Variants in PCDHGA3 observed in about 807,000 individuals in gnomAD.
PCDHGA3 encodes protocadherin gamma subfamily A, 3, also known as protocadherin gamma-A3.
PCDHGA3 carries 40 observed loss-of-function variants against 58.5 expected under a neutral mutation model. That is an observed-to-expected ratio of 0.68 (90% CI 0.53 to 0.89). The LOEUF is 0.89. Ranked by LOEUF, PCDHGA3 falls within the 40% of genes least tolerant of loss-of-function variation. The probability of loss-of-function intolerance (pLI) is 0.00; values close to 1 mark genes in which losing one functional copy is unlikely to be tolerated. For synonymous variants in PCDHGA3, 530 were observed against 525.7 expected (o/e 1.01, Z -0.11); for missense variants, 1,223 against 1,195.9 (o/e 1.02, Z -0.33).
intron 1 of PCDHGA3, chr5:141,384,001 C>G (rs1561599904): frequency 6.2e-7 from 1 of 1,613,828 alleles, no homozygotes. Context: ...AGTCATTGCT[C>G]TTTTCTACCT....
chr5:141,477,315 C>G lies in PCDHGA3; in HGVS notation c.2425-17492C>G. 2 of 1,614,188 alleles carry G rather than the reference C, an allele frequency of 1.2e-6. No individual in the cohort carries two copies. Among genetic ancestry groups the G allele is most frequent in the African/African-American group, 2.7e-5 (2 of 75,042 alleles). On this transcript the variant is annotated intron_variant, in intron 1 of 3. Coordinates refer to ENST00000253812, the MANE Select transcript of PCDHGA3 (RefSeq NM_018916.4). The surrounding 1 kb of genome is among the most constrained non-coding windows in gnomAD (Gnocchi z 4.9). ...CCACCGGGTCTCCCTTTCAGCCTTA[C>G]TTCTTCCCTCAAGAATTACTTCACT...
chr5:141,361,957 G>A lies in PCDHGA3; in HGVS notation c.2424+15500G>A, dbSNP rs976081209. On this transcript the variant is annotated intron_variant, in intron 1 of 3. Transcript: ENST00000253812. The stretch of plus-strand genomic sequence containing the variant: ...ACACAACGCTTGGCTGTCCTACCAC[G>A]TGCTGCAGGCCAGCGAGCCCGGGCT... 15 of 1,603,004 alleles carry A rather than the reference G, an allele frequency of 9.4e-6. No homozygotes were observed. In the Admixed American group the frequency reaches 2.0e-4, roughly 22 times the overall value.
intron 1 of PCDHGA3, chr5:141,350,113 T>G (rs1758410599): frequency 1.1e-5 from 6 of 556,050 alleles, no homozygotes; most frequent in Non-Finnish European, 1.7e-5. Context: ...TCCTGCTTTG[T>G]CCGGTGCACT....
At chr5:141,370,601 T>C in intron 1 of PCDHGA3, 1 of 1,614,004 alleles carries the variant, frequency 6.2e-7, no homozygotes. Flanking sequence ...TGCGGGTTAT[T>C]GCAGAGAAGA....
In PCDHGA3 at chr5:141,485,842, T is replaced by C; in HGVS notation, c.2425-8965T>C. ...TCGATGGAGGGAACCCGCCGAGATC[T>C]GGCACCGCAGAGCTCCGGGTATCCG... On this transcript the variant is annotated intron_variant, in intron 1 of 3. Coordinates refer to ENST00000253812, the MANE Select transcript of PCDHGA3 (RefSeq NM_018916.4). This position sits in a 1 kb window ranked among gnomAD's most constrained non-coding sequence, Gnocchi z 5.7. 1 of 1,614,002 alleles carries C rather than the reference T, an allele frequency of 6.2e-7. No homozygotes were observed. Among genetic ancestry groups the C allele is most frequent in the Non-Finnish European group, 8.5e-7 (1 of 1,179,982 alleles).
intron 1 of PCDHGA3, chr5:141,408,397 G>T: frequency 6.2e-7 from 1 of 1,614,068 alleles, no homozygotes; most frequent in Non-Finnish European, 8.5e-7. Context: ...CGGCTCGCAA[G>T]CTGCGAGTGA....
At chr5:141,409,640 G>A (rs1045286800) in intron 1 of PCDHGA3, 2 of 1,613,780 alleles carry the variant, frequency 1.2e-6, no homozygotes, top group African/African-American at 1.3e-5. Context: ...CTCTGACCCG[G>A]ATTTGGGGCT....
In PCDHGA3 at chr5:141,357,512, C is replaced by T. The variant is rs1211736119; in HGVS notation, c.2424+11055C>T. 1.9e-6 allele frequency: 3 copies of T among 1,614,258 alleles called. No individual in the cohort carries two copies. Among genetic ancestry groups the T allele is most frequent in the Non-Finnish European group, 2.5e-6 (3 of 1,180,052 alleles). ...TCGCGGAAGAGTCACCTGATCTTCTCCCAACCCAGCTATGCAGACACGCTC... is the reference window on the plus strand; with the variant it reads ...TCGCGGAAGAGTCACCTGATCTTCTTCCAACCCAGCTATGCAGACACGCTC... On this transcript the variant is annotated intron_variant, in intron 1 of 3. Transcript: ENST00000253812.
Position 141,399,593 on chromosome 5 carries a change from C to A in PCDHGA3, c.2424+53136C>A, listed in dbSNP as rs201515317. 170 of 1,613,988 alleles carry A rather than the reference C, an allele frequency of 1.1e-4. 1 individual carries two copies. The African/African-American group carries it at 1.5e-3, about 14-fold the overall frequency. On this transcript the variant is annotated intron_variant, in intron 1 of 3. Coordinates refer to ENST00000253812, the MANE Select transcript of PCDHGA3 (RefSeq NM_018916.4). Reference sequence around the variant, plus strand: ...GGCCAAGTCTCCTACTCTATCATGGCCAGCGACCTAGAGCCTCTGGCACTG... The same window carrying A: ...GGCCAAGTCTCCTACTCTATCATGGACAGCGACCTAGAGCCTCTGGCACTG...
intron 1 of PCDHGA3, chr5:141,352,506 A>G (rs770894188): frequency 1.2e-6 from 2 of 1,613,868 alleles, no homozygotes; most frequent in Admixed American, 3.3e-5. Flanking sequence ...TATTCCTACA[A>G]TCTATGTATT....
intron 1 of PCDHGA3, chr5:141,391,541 G>T (rs2092385789): frequency 6.6e-6 from 1 of 152,056 alleles, no homozygotes; most frequent in South Asian, 2.1e-4. Flanking sequence ...GGTTTCCATT[G>T]TCTACCCAGT....
At chr5:141,471,021 A>C (rs1399168691) in intron 1 of PCDHGA3, among the ~76,000 whole-genome samples, 1 of 136,940 alleles carries the variant, frequency 7.3e-6, no homozygotes, top group African/African-American at 2.7e-5. Flanking sequence ...CTGGTCAATC[A>C]TTTTTATTAA....
intron 1 of PCDHGA3, chr5:141,356,959 C>T: frequency 6.2e-7 from 1 of 1,614,236 alleles, no homozygotes; most frequent in Non-Finnish European, 8.5e-7. Flanking sequence ...TTCCGGCTAC[C>T]TGGTGACCAA....
At chr5:141,410,830 G>T in intron 1 of PCDHGA3, 11 of 332,874 alleles carry the variant, frequency 3.3e-5, no homozygotes, top group East Asian at 5.9e-5. Context: ...TCACCAGACT[G>T]AAGATATTTT....
intron 1 of PCDHGA3, chr5:141,408,837 T>A: frequency 6.2e-7 from 1 of 1,613,716 alleles, no homozygotes; most frequent in Non-Finnish European, 8.5e-7. Flanking sequence ...AGCTTGATAT[T>A]GACTGCCTTG....
At chr5:141,388,332 A>G in intron 1 of PCDHGA3, 1 of 1,614,002 alleles carries the variant, frequency 6.2e-7, no homozygotes. Flanking sequence ...ACAGCCTGGC[A>G]CACGATTTAT....
intron 1 of PCDHGA3, chr5:141,357,554 G>C: frequency 1.2e-6 from 2 of 1,614,220 alleles, no homozygotes; most frequent in Non-Finnish European, 1.7e-6. Context: ...CGGGAGAGTT[G>C]TGAGAAAAGC....
chr5:141,495,547 C>G (rs2099762038), intron 2 of PCDHGA3, among the ~76,000 whole-genome samples: 1 of 152,228 alleles, frequency 6.6e-6, no homozygotes, highest in South Asian at 2.1e-4. Flanking sequence ...CAGTCTCTAT[C>G]TCGCTTTGCA....
rs549924049 is a variant in PCDHGA3 at position 141,345,435 on chromosome 5, G to A, written c.1402G>A (p.Gly468Arg). The A allele has an allele frequency of 1.3e-5, 21 of 1,613,972 alleles. 1 individual carries two copies. The South Asian group carries it at 2.3e-4, about 18-fold the overall frequency. Residue 468 changes from glycine (G) to arginine (R), a missense_variant, in exon 1 of 4, where the codon GGA becomes AGA. Physicochemically the swap from Gly to Arg is moderately radical, Grantham distance 125. This residue lies in a region of PCDHGA3 where 791 missense variants were observed against 708.5 expected (regional missense o/e 1.12). Coordinates refer to ENST00000253812, the MANE Select transcript of PCDHGA3 (RefSeq NM_018916.4). ...CTACATTCCAGAAAACAACCCCAGA[G>A]GAGCCTCCATCTTCTCAGTGACAGC... ...SAYIPENNPR[G>R]ASIFSVTAQD... is the part of the protein sequence containing the mutation.
Sources: gnomAD v4.1 joint callset for allele counts (sites outside exome capture counted in the v4.1 genomes callset) on GRCh38, gnomAD v4.1.1 for gene constraint, gnomAD v4.1.1 regional missense constraint, Gnocchi (gnomAD v3.1) non-coding constraint, MANE v1.5 for transcripts, NCBI Gene and HGNC (gene_info 2026-07-23, HGNC 2026-07-21) for gene names.